The following GPC6 variants were observed in gnomAD, a reference collection of about 807,000 sequenced individuals.
The protein encoded by GPC6 is glypican 6.
A neutral mutation model predicts 55.2 loss-of-function variants in GPC6; 14 were observed. The observed-to-expected ratio is 0.25, with a 90% CI of 0.17 to 0.40. The LOEUF (loss-of-function observed/expected upper bound fraction) is 0.40, where lower values mean the gene tolerates loss of function less well. Among genes scored for constraint, GPC6 ranks in the 10% least tolerant of loss-of-function variants. The probability of loss-of-function intolerance (pLI) is 1.00; values close to 1 mark genes in which losing one functional copy is unlikely to be tolerated. For missense variants in GPC6, 641 were observed against 708.5 expected (o/e 0.90, Z 1.08); for synonymous variants, 278 against 259.6 (o/e 1.07, Z -0.68).
At chr13:93,690,766 T>G (rs1259583040) in intron 2 of GPC6, among the ~76,000 whole-genome samples, 1 of 152,124 alleles carries the variant, frequency 6.6e-6, no homozygotes, top group African/African-American at 2.4e-5. Flanking sequence ...AGCCTGGAAT[T>G]GTAGCCAAGA....
intron 3 of GPC6, chr13:93,836,261 T>A (rs1419060300): frequency 6.6e-6 from 1 of 152,236 alleles, no homozygotes; most frequent in Non-Finnish European, 1.5e-5. Flanking sequence ...TTTAAAGTAT[T>A]CTCTGATCAC....
chr13:94,043,969 G>A lies in GPC6; in HGVS notation c.877+16075G>A, dbSNP rs936229024. ...GTTTCCTTGGTACTGTTAGGATTCC[G>A]TTTTAAGTTCTCCTACATCTTGGTT... On this transcript the variant is annotated intron_variant, in intron 4 of 8. Coordinates refer to ENST00000377047, the MANE Select transcript of GPC6 (RefSeq NM_005708.5). Among the ~76,000 whole-genome samples, 15 of 151,748 alleles carry A rather than the reference G, an allele frequency of 9.9e-5. No homozygotes were observed. In the South Asian group the frequency reaches 1.2e-3, roughly 13 times the overall value.
At chr13:94,266,985 T>C (rs1891837520) in intron 4 of GPC6, among the ~76,000 whole-genome samples, 1 of 152,216 alleles carries the variant, frequency 6.6e-6, no homozygotes, top group South Asian at 2.1e-4. Flanking sequence ...GTCCCAAAGG[T>C]GCTATTATGA....
At chr13:93,556,408 G>GTATGTA (rs1875475938) in intron 2 of GPC6, among the ~76,000 whole-genome samples, 2 of 130,960 alleles carry the variant, frequency 1.5e-5, no homozygotes, top group Non-Finnish European at 3.2e-5. Context: ...GTATGTATAT[G>GTATGTA]TATATATATA....
chr13:94,281,682 A>G (rs924570812), intron 4 of GPC6, among the ~76,000 whole-genome samples: 1 of 152,176 alleles, frequency 6.6e-6, no homozygotes. Context: ...CCATCCAGAC[A>G]TAGCAGATAA....
intron 1 of GPC6, among the ~76,000 whole-genome samples, chr13:93,337,129 T>G (rs1047302273): frequency 2.0e-5 from 3 of 152,192 alleles, no homozygotes; most frequent in Non-Finnish European, 4.4e-5. Context: ...ATTCTTCAAT[T>G]AAAAACTGTG....
intron 2 of GPC6, among the ~76,000 whole-genome samples, chr13:93,647,896 T>A (rs1039711360): frequency 2.2e-4 from 34 of 152,122 alleles, no homozygotes; most frequent in African/African-American, 8.2e-4. Flanking sequence ...TCTTCTTGAA[T>A]CCGACACCCT....
intron 3 of GPC6, among the ~76,000 whole-genome samples, chr13:93,964,011 C>T (rs911811941): frequency 1.3e-5 from 2 of 152,210 alleles, no homozygotes; most frequent in East Asian, 1.9e-4. Context: ...ACTTTGCAAT[C>T]GAGATGCAAC....
chr13:94,124,022 T>C (rs1404484424), intron 4 of GPC6, among the ~76,000 whole-genome samples: 1 of 151,898 alleles, frequency 6.6e-6, no homozygotes, highest in Non-Finnish European at 1.5e-5. Flanking sequence ...CTAATGAAAA[T>C]GGGGAGGGGG....
At chr13:94,330,849 G>A (rs1345020296) in intron 6 of GPC6, among the ~76,000 whole-genome samples, 1 of 151,884 alleles carries the variant, frequency 6.6e-6, no homozygotes, top group African/African-American at 2.4e-5. Flanking sequence ...CTCTGGATAC[G>A]AGATCTAGTG....
rs188909482 is a variant in GPC6, at chr13:93,650,792, A to G, written c.319+105371A>G. The stretch of plus-strand genomic sequence containing the variant: ...TTAAGTTCAGTCCAAATAATTGACT[A>G]TATAAAAGATGCACAAGTGCACCTT... On this transcript the variant is annotated intron_variant, in intron 2 of 8. Transcript: ENST00000377047. Among the ~76,000 whole-genome samples, 131 of 152,318 alleles carry G rather than the reference A, an allele frequency of 8.6e-4. 1 individual carries two copies. The highest frequency in any genetic ancestry group is 2.9e-4 in the Non-Finnish European group (20 of 68,028).
At chr13:93,786,855 T>A (rs577378827) in intron 2 of GPC6, among the ~76,000 whole-genome samples, 1 of 152,276 alleles carries the variant, frequency 6.6e-6, no homozygotes, top group African/African-American at 2.4e-5. Flanking sequence ...GTCTTTGCAT[T>A]TAGAAAAATG....
chr13:93,999,382 G>T (rs1273794245), intron 3 of GPC6, among the ~76,000 whole-genome samples: 2 of 152,152 alleles, frequency 1.3e-5, no homozygotes, highest in Non-Finnish European at 2.9e-5. Context: ...TGGCTGCATA[G>T]TATTCCATGG....
At chr13:94,336,179 C>T (rs1277248762) in intron 6 of GPC6, among the ~76,000 whole-genome samples, 1 of 152,108 alleles carries the variant, frequency 6.6e-6, no homozygotes, top group Non-Finnish European at 1.5e-5. Flanking sequence ...GGGGGGATTA[C>T]CTCCTGTTCT....
chr13:93,822,889 A>C (rs902974760), intron 2 of GPC6, among the ~76,000 whole-genome samples: 4 of 149,462 alleles, frequency 2.7e-5, no homozygotes, highest in East Asian at 2.0e-4. Context: ...TTTGAGATGG[A>C]GTCTCGCTCT....
rs1233252269 is a variant in GPC6 at position 93,231,411 on chromosome 13, A to G, written c.160+3795A>G. ...TATATATATATGTATATATATATATATATATATATATACGTATATATATAT... is the reference window on the plus strand; with the variant it reads ...TATATATATATGTATATATATATATGTATATATATATACGTATATATATAT... On this transcript the variant is annotated intron_variant, in intron 1 of 8. Coordinates refer to ENST00000377047, the MANE Select transcript of GPC6 (RefSeq NM_005708.5). Among the ~76,000 whole-genome samples the G allele has an allele frequency of 3.2e-4, 12 of 37,838 alleles. 1 individual carries two copies. Among genetic ancestry groups the G allele is most frequent in the South Asian group, 8.3e-4 (1 of 1,202 alleles). The allele number at this position is 37,838 out of a possible 152,430, so 24.8% of individuals were successfully genotyped here.
intron 6 of GPC6, among the ~76,000 whole-genome samples, chr13:94,346,455 G>C (rs1250835370): frequency 6.6e-6 from 1 of 152,148 alleles, no homozygotes; most frequent in African/African-American, 2.4e-5. Context: ...GGGCACGGTG[G>C]CTCACGCCTC....
chr13:93,739,103 G>A (rs1410056147), intron 2 of GPC6, among the ~76,000 whole-genome samples: 2 of 152,094 alleles, frequency 1.3e-5, no homozygotes, highest in Non-Finnish European at 2.9e-5. Flanking sequence ...ATCTACAAGA[G>A]TTCTTGTAGA....
intron 2 of GPC6, among the ~76,000 whole-genome samples, chr13:93,727,703 A>G (rs1594405681): frequency 6.6e-6 from 1 of 152,206 alleles, no homozygotes. Context: ...TTTTATTTAC[A>G]CAAACTGATG....
Sources: allele counts gnomAD v4.1 joint callset (sites outside exome capture counted in the v4.1 genomes callset), GRCh38; gene constraint gnomAD v4.1.1; transcripts MANE v1.5; gene names NCBI Gene and HGNC (gene_info 2026-07-23, HGNC 2026-07-21).